Variants in NCSTN observed in about 807,000 individuals in gnomAD.
NCSTN encodes nicastrin, also known as anterior pharynx-defective 2.
A neutral mutation model predicts 87.0 loss-of-function variants in NCSTN; 22 were observed. The ratio of observed to expected loss-of-function variants is 0.25; its 90% CI spans 0.18 to 0.36. The LOEUF is 0.36. Among genes scored for constraint, NCSTN ranks in the 10% least tolerant of loss-of-function variants. The pLI is 1.00. For synonymous variants in NCSTN, 306 were observed against 327.1 expected (o/e 0.94, Z 0.69); for missense variants, 693 against 883.3 (o/e 0.78, Z 2.73).
Position 160,351,822 on chromosome 1 carries a change from G to A in NCSTN, c.843+17G>A. The A allele has an allele frequency of 3.2e-6, 5 of 1,573,582 alleles. No individual in the cohort carries two copies. The highest frequency in any genetic ancestry group is 4.4e-6 in the Non-Finnish European group (5 of 1,143,180). On this transcript the variant is annotated intron_variant, in intron 7 of 16. Transcript: ENST00000294785. The stretch of plus-strand genomic sequence containing the variant: ...GCCACCCGGGTGAGTGTTGGCTTCT[G>A]ATCAGGATGGGCAGGGCTGGCACAA...
intron 7 of NCSTN, 37 bp downstream of exon 7, chr1:160,351,842 G>A (rs1204735511): frequency 6.5e-7 from 1 of 1,544,912 alleles, no homozygotes; most frequent in South Asian, 1.1e-5. Context: ...GGCAGGGCTG[G>A]CACAAAAAGA....
chr1:160,350,453 CAAAA>C (rs5778159), intron 5 of NCSTN, among the ~76,000 whole-genome samples: 8 of 98,200 alleles, frequency 8.1e-5, no homozygotes, highest in Admixed American at 2.2e-4. Context: ...CCCTGTGTCA[CAAAA>C]AAAAAAAAAA....
At chr1:160,352,353 T>TTTAGATTCCTCCATTTTAGGAAGC in intron 8 of NCSTN, 147 bp downstream of exon 8, 2 of 983,798 alleles carry the variant, frequency 2.0e-6, no homozygotes, top group Non-Finnish European at 3.0e-6. Flanking sequence ...GTGTCTCCCC[T>TTTAGATTCCTCCATTTTAGGAAGC]TTAGATTCCT....
At chr1:160,345,871 G>A (rs1280820033) in intron 2 of NCSTN, among the ~76,000 whole-genome samples, 10 of 145,020 alleles carry the variant, frequency 6.9e-5, no homozygotes, top group South Asian at 2.3e-4. Flanking sequence ...CCCAGGAGGC[G>A]GAGGTTGCAG....
chr1:160,345,148 T>C, intron 2 of NCSTN: 1 of 410,268 alleles, frequency 2.4e-6, no homozygotes. Context: ...ATCATACTGG[T>C]AATAAGTGAT....
chr1:160,347,412 C>G (rs1326421179), intron 2 of NCSTN, among the ~76,000 whole-genome samples: 4 of 152,190 alleles, frequency 2.6e-5, no homozygotes, highest in Non-Finnish European at 1.5e-5. Context: ...TCCCTCCCTC[C>G]TTCTATCCTT....
Position 160,349,559 on chromosome 1 carries a change from G to C in NCSTN, c.325G>C (p.Glu109Gln). 1 of 1,614,120 alleles carries C rather than the reference G, an allele frequency of 6.2e-7. No homozygotes were observed. Among genetic ancestry groups the C allele is most frequent in the Non-Finnish European group, 8.5e-7 (1 of 1,180,026 alleles). ...ESKHFTRDLM[E>Q]KLKGRTSRIA... ...CCTTTCCTATTCCAGGGATTTAATG[G>C]AGAAGCTGAAAGGGAGAACCAGCCG... Residue 109 changes from glutamate to glutamine, a missense_variant, in exon 4 of 17, where the codon GAG (glutamate) becomes CAG (glutamine). Physicochemically the swap from Glu to Gln is conservative, Grantham distance 29. Coordinates refer to ENST00000294785, the MANE Select transcript of NCSTN (RefSeq NM_015331.3).
intron 5 of NCSTN, 94 bp downstream of exon 5, chr1:160,350,344 C>T (rs768767772): frequency 3.4e-5 from 49 of 1,444,238 alleles, no homozygotes; most frequent in Admixed American, 5.2e-5. Flanking sequence ...CCCAGCCACC[C>T]GGGAGGCTGA....
intron 16 of NCSTN, 123 bp from the exon 17 acceptor site, chr1:160,358,026 C>A: frequency 8.0e-7 from 1 of 1,247,210 alleles, no homozygotes; most frequent in South Asian, 1.2e-5. Context: ...ATGATTATTC[C>A]ATAGTTGGTG....
At chr1:160,349,975 C>T in intron 4 of NCSTN, 130 bp from the exon 5 acceptor site, 2 of 1,156,480 alleles carry the variant, frequency 1.7e-6, no homozygotes, top group Non-Finnish European at 2.6e-6. Flanking sequence ...AGACTTCATG[C>T]CTACTTCTTT....
intron 15 of NCSTN, 100 bp downstream of exon 15, chr1:160,356,854 G>A: frequency 6.6e-7 from 1 of 1,504,318 alleles, no homozygotes; most frequent in Non-Finnish European, 9.1e-7. Flanking sequence ...TTGGGATGGA[G>A]AGGTGGAGAG....
chr1:160,357,325 C>A, intron 16 of NCSTN, 72 bp downstream of exon 16: 3 of 1,391,838 alleles, frequency 2.2e-6, no homozygotes, highest in Non-Finnish European at 3.0e-6. Flanking sequence ...TGTCATATAG[C>A]CCTTTCCATC....
chr1:160,356,959 AGCATG>A, intron 15 of NCSTN, 77 bp from the exon 16 acceptor site: 1 of 1,430,470 alleles, frequency 7.0e-7, no homozygotes, highest in Non-Finnish European at 9.9e-7. Flanking sequence ...AATTGGTTAG[AGCATG>A]GCACTGATAG....
chr1:160,345,821 C>G (rs1648451200), intron 2 of NCSTN, among the ~76,000 whole-genome samples: 1 of 150,160 alleles, frequency 6.7e-6, no homozygotes, highest in African/African-American at 2.4e-5. Flanking sequence ...TGCCTGTAGT[C>G]CTAGCTTCTC....
intron 8 of NCSTN, 38 bp downstream of exon 8, chr1:160,352,244 A>G (rs200066147): frequency 1.2e-4 from 186 of 1,612,876 alleles, no homozygotes; most frequent in Non-Finnish European, 1.5e-4. Flanking sequence ...GGCAGGGAAG[A>G]AAGAGGATAG....
chr1:160,350,414 T>G (rs1648770911), intron 5 of NCSTN, among the ~76,000 whole-genome samples, 164 bp downstream of exon 5: 1 of 147,456 alleles, frequency 6.8e-6, no homozygotes, highest in African/African-American at 2.5e-5. Context: ...ATGGCACCAT[T>G]GCACTCCAGC....
At position 160,349,632 on chromosome 1, in the gene NCSTN, G is replaced by T; in HGVS notation, c.398G>T (p.Gly133Val). The T allele has an allele frequency of 6.2e-7, 1 of 1,614,152 alleles. No individual in the cohort carries two copies. Among genetic ancestry groups the T allele is most frequent in the Non-Finnish European group, 8.5e-7 (1 of 1,180,030 alleles). The change falls in exon 4 of 17, where the codon GGC becomes GTC. Residue 133 changes from glycine to valine, a missense_variant. Gly to Val is a moderately radical substitution (Grantham distance 109). This residue lies in a region of NCSTN where 235 missense variants were observed against 233.9 expected (regional missense o/e 1.00). Transcript: ENST00000294785. ...VSLTKPSPASGFSPSVQCPND... is the reference protein window; with the variant it reads ...VSLTKPSPASVFSPSVQCPND... ...TTGACCAAGCCCAGTCCTGCCTCAG[G>T]CTTCTCTCCTAGTGTACAGTGCCCA...
intron 7 of NCSTN, 97 bp from the exon 8 acceptor site, chr1:160,351,956 GC>G: frequency 2.0e-6 from 3 of 1,536,506 alleles, no homozygotes; most frequent in Non-Finnish European, 2.7e-6. Flanking sequence ...TGTCTCCATT[GC>G]CACAGGACAG....
At chr1:160,353,856 G>A in intron 10 of NCSTN, 1 of 543,446 alleles carries the variant, frequency 1.8e-6, no homozygotes, top group Non-Finnish European at 2.3e-6. Context: ...GCAGAGTCTT[G>A]AAGACAGTAG....
Sources: allele counts gnomAD v4.1 joint callset (sites outside exome capture counted in the v4.1 genomes callset), GRCh38; gene constraint gnomAD v4.1.1; regional missense constraint gnomAD v4.1.1; transcripts MANE v1.5; gene names NCBI Gene and HGNC (gene_info 2026-07-23, HGNC 2026-07-21).